Variants in BMPR1A observed in about 807,000 individuals in gnomAD.
The protein encoded by BMPR1A is bone morphogenetic protein receptor type-1A.
A neutral mutation model predicts 66.0 loss-of-function variants in BMPR1A; 7 were observed. The observed-to-expected ratio is 0.11, with a 90% CI of 0.06 to 0.20. The LOEUF is 0.20. BMPR1A is among the 10% of genes least tolerant of loss of function. BMPR1A has a pLI of 1.00. For missense variants in BMPR1A, 408 were observed against 669.1 expected (o/e 0.61, Z 4.31); for synonymous variants, 200 against 229.7 (o/e 0.87, Z 1.17).
chr10:86,799,481 C>CCTTT (rs1841776627), intron 1 of BMPR1A, among the ~76,000 whole-genome samples: 1 of 113,972 alleles, frequency 8.8e-6, no homozygotes, highest in Non-Finnish European at 1.8e-5. Context: ...TTCCTTCCTT[C>CCTTT]CTTCCTTCCT....
At chr10:86,931,672 A>G (rs958040594), downstream of BMPR1A, 1 of 152,164 alleles carries the variant, frequency 6.6e-6, no homozygotes, top group Non-Finnish European at 1.5e-5. Flanking sequence ...GTGACATGTT[A>G]TACAGGTTAA....
intron 1 of BMPR1A, among the ~76,000 whole-genome samples, chr10:86,794,844 A>G (rs1383498406): frequency 1.3e-5 from 2 of 150,638 alleles, no homozygotes; most frequent in East Asian, 3.9e-4. Flanking sequence ...AGATATATAG[A>G]TATAGATATA....
At chr10:86,832,441 G>A (rs1842283081) in intron 1 of BMPR1A, among the ~76,000 whole-genome samples, 1 of 151,144 alleles carries the variant, frequency 6.6e-6, no homozygotes, top group Non-Finnish European at 1.5e-5. Flanking sequence ...ACTCCAGCCT[G>A]GGCGACAAGA....
At position 86,926,488 on chromosome 10, in the gene BMPR1A, C is replaced by G. The variant is rs1313550627; in HGVS notation, c.*2769C>G. On this transcript the variant is annotated 3_prime_UTR_variant, in exon 13 of 13. Coordinates refer to ENST00000372037, the MANE Select transcript of BMPR1A (RefSeq NM_004329.3). ...TGAGCTGAGATCGTGTCACTGCACTCCAGCCTGGGCAAAAGAGCGAAACTC... is the reference window on the plus strand; with the variant it reads ...TGAGCTGAGATCGTGTCACTGCACTGCAGCCTGGGCAAAAGAGCGAAACTC... The G allele has an allele frequency of 2.5e-5, 4 of 163,228 alleles. No individual in the cohort carries two copies. Among genetic ancestry groups the G allele is most frequent in the African/African-American group, 7.2e-5 (3 of 41,794 alleles). 10.1% of individuals were successfully genotyped at this position (163,228 alleles called of 1,614,324 possible).
intron 1 of BMPR1A, among the ~76,000 whole-genome samples, chr10:86,824,501 G>T (rs561899458): frequency 6.6e-6 from 1 of 152,258 alleles, no homozygotes; most frequent in South Asian, 2.1e-4. Flanking sequence ...TTCCCTGTGT[G>T]TTTATCCACC....
At chr10:86,882,970 A>G (rs1384618579) in intron 3 of BMPR1A, among the ~76,000 whole-genome samples, 1 of 152,126 alleles carries the variant, frequency 6.6e-6, no homozygotes, top group Non-Finnish European at 1.5e-5. Flanking sequence ...ATCTCAAAAA[A>G]CAAACAAAAA....
intron 1 of BMPR1A, among the ~76,000 whole-genome samples, chr10:86,803,877 C>T (rs891809271): frequency 5.3e-5 from 8 of 152,132 alleles, no homozygotes; most frequent in African/African-American, 1.9e-4. Context: ...GAGAGGACTA[C>T]CATCTTTACA....
At chr10:86,798,643 T>G (rs1841760087) in intron 1 of BMPR1A, among the ~76,000 whole-genome samples, 1 of 152,234 alleles carries the variant, frequency 6.6e-6, no homozygotes, top group Admixed American at 6.5e-5. Flanking sequence ...CCTTGTAATA[T>G]CTTAAAGGAA....
At chr10:86,796,745 G>T (rs1280283960) in intron 1 of BMPR1A, among the ~76,000 whole-genome samples, 1 of 151,518 alleles carries the variant, frequency 6.6e-6, no homozygotes, top group Non-Finnish European at 1.5e-5. Flanking sequence ...GCTAATTTTT[G>T]TATTTTTTGT....
At chr10:86,876,208 A>T in intron 3 of BMPR1A, 123 bp downstream of exon 3, 1 of 854,788 alleles carries the variant, frequency 1.2e-6, no homozygotes, top group Non-Finnish European at 1.9e-6. Flanking sequence ...AGCTTTTAGG[A>T]AAGAAGCAAA....
rs1481485205 is a variant in BMPR1A, at chr10:86,924,082, T to A, written c.*363T>A. ...GCTTTCTGTGAAAGCCTTAAGAAGA[T>A]AAATGAGCGCAGCAGAGATGGAGAA... On this transcript the variant is annotated 3_prime_UTR_variant, in exon 13 of 13. Transcript: ENST00000372037. 1 of 401,888 alleles carries A rather than the reference T, an allele frequency of 2.5e-6. No homozygotes were observed. The highest frequency in any genetic ancestry group is 2.0e-5 in the African/African-American group (1 of 50,236). 24.9% of individuals were successfully genotyped at this position (401,888 alleles called of 1,614,324 possible).
At chr10:86,852,701 T>C (rs1163538941) in intron 2 of BMPR1A, among the ~76,000 whole-genome samples, 1 of 152,096 alleles carries the variant, frequency 6.6e-6, no homozygotes, top group Non-Finnish European at 1.5e-5. Flanking sequence ...TAAATTCAAG[T>C]GAAGTAAAAT....
At chr10:86,772,125 G>GTTT (rs1564679111) in intron 1 of BMPR1A, among the ~76,000 whole-genome samples, 8 of 122,532 alleles carry the variant, frequency 6.5e-5, no homozygotes, top group African/African-American at 2.4e-4. Context: ...GTCAGAGATA[G>GTTT]GTTTTTTTTT....
rs553912748 is a variant in BMPR1A at position 86,773,462 on chromosome 10, G to A, written c.-268+16543G>A. Among the ~76,000 whole-genome samples, 10 of 151,854 alleles carry A rather than the reference G, an allele frequency of 6.6e-5. No homozygotes were observed. The South Asian group carries it at 8.4e-4, about 13-fold the overall frequency. On this transcript the variant is annotated intron_variant, in intron 1 of 12. Coordinates refer to ENST00000372037, the MANE Select transcript of BMPR1A (RefSeq NM_004329.3). ...ACAAAAATTAGCTGGGCATGGTGGC[G>A]GGCACCTGTAATCCCAGCTACTTGG...
intron 5 of BMPR1A, among the ~76,000 whole-genome samples, chr10:86,894,936 G>C (rs926255635): frequency 6.6e-6 from 1 of 152,118 alleles, no homozygotes; most frequent in African/African-American, 2.4e-5. Flanking sequence ...TCCTGTTGCT[G>C]AATATTTCTC....
At chr10:86,755,832 GCCGGGCCTGGCGCT>G (rs1847848896), upstream of BMPR1A, 1 of 151,862 alleles carries the variant, frequency 6.6e-6, no homozygotes, top group East Asian at 2.0e-4. Context: ...GCCCGGGCGC[GCCGGGCCTGGCGCT>G]CCCGAATCGA....
intron 1 of BMPR1A, among the ~76,000 whole-genome samples, chr10:86,766,815 A>T (rs1184699329): frequency 6.8e-6 from 1 of 147,980 alleles, no homozygotes; most frequent in African/African-American, 2.5e-5. Flanking sequence ...TCACCGTGTT[A>T]GCCAGGATGG....
At chr10:86,843,142 G>A (rs756130742) in intron 2 of BMPR1A, among the ~76,000 whole-genome samples, 5 of 152,200 alleles carry the variant, frequency 3.3e-5, no homozygotes, top group South Asian at 2.1e-4. Flanking sequence ...AGCATTGGTT[G>A]TTTAGAAAAT....
At chr10:86,931,209 C>T (rs1213230326), downstream of BMPR1A, 1 of 144,640 alleles carries the variant, frequency 6.9e-6, no homozygotes, top group Non-Finnish European at 1.5e-5. Context: ...CCACTGCATT[C>T]CAGGCTGGGC....
Sources: allele counts gnomAD v4.1 joint callset (sites outside exome capture counted in the v4.1 genomes callset), GRCh38; gene constraint gnomAD v4.1.1; transcripts MANE v1.5; gene names NCBI Gene and HGNC (gene_info 2026-07-23, HGNC 2026-07-21).